The following MEI4 variants were observed in gnomAD, a reference collection of about 807,000 sequenced individuals.
MEI4 encodes meiotic double-stranded break formation protein 4.
In MEI4, 27 loss-of-function variants were observed where a neutral mutation model predicts 31.4. That is an observed-to-expected ratio of 0.86 (90% CI 0.63 to 1.19). The LOEUF (loss-of-function observed/expected upper bound fraction) is 1.19, where lower values mean the gene tolerates loss of function less well. Ranked by LOEUF, MEI4 falls within the 50% of genes most tolerant of loss-of-function variation. The pLI is 0.00. For synonymous variants in MEI4, 122 were observed against 145.4 expected, an observed-to-expected ratio of 0.84 and a Z score of 1.16; for missense variants, 329 against 398.9, an observed-to-expected ratio of 0.82 and a Z score of 1.49.
chr6:77,830,511 A>T (rs750426682), intron 4 of MEI4, among the ~76,000 whole-genome samples: 3 of 152,186 alleles, frequency 2.0e-5, no homozygotes, highest in African/African-American at 7.2e-5. Flanking sequence ...CCATAATTCA[A>T]ACCCAGATGT....
intron 3 of MEI4, among the ~76,000 whole-genome samples, chr6:77,765,195 A>T (rs989841656): frequency 6.6e-6 from 1 of 152,180 alleles, no homozygotes; most frequent in Admixed American, 6.5e-5. Flanking sequence ...AATTTCTGAC[A>T]TCATATAAAA....
chr6:77,768,329 G>A (rs1220149385), intron 3 of MEI4, among the ~76,000 whole-genome samples: 2 of 152,034 alleles, frequency 1.3e-5, no homozygotes, highest in Non-Finnish European at 2.9e-5. Flanking sequence ...AGACCTTAGT[G>A]CCATTTCTCT....
intron 1 of MEI4, among the ~76,000 whole-genome samples, chr6:77,666,411 G>A (rs551222245): frequency 9.9e-5 from 15 of 152,254 alleles, no homozygotes; most frequent in Admixed American, 3.9e-4. Flanking sequence ...CAGGGGATGC[G>A]ATGGCTTGGC....
intron 3 of MEI4, among the ~76,000 whole-genome samples, chr6:77,796,677 A>G (rs1345304589): frequency 6.6e-6 from 1 of 152,198 alleles, no homozygotes; most frequent in African/African-American, 2.4e-5. Context: ...TGAATACTAT[A>G]AGACGTTTGT....
intron 1 of MEI4, among the ~76,000 whole-genome samples, chr6:77,663,406 G>A (rs992362410): frequency 2.0e-5 from 3 of 151,900 alleles, no homozygotes; most frequent in African/African-American, 2.4e-5. Flanking sequence ...GGGTTAAGGT[G>A]GGGGGATACA....
In MEI4 at chr6:77,776,152, A is replaced by G. The variant is rs1332223606; in HGVS notation, c.768+14487A>G. ...CTCTGGGATGTCTGTTTACTCTGCT[A>G]ATTGTTTTTTTTTTGTTTTTGTTTT... On this transcript the variant is annotated intron_variant, in intron 3 of 4. Coordinates refer to ENST00000684080, the MANE Select transcript of MEI4 (RefSeq NM_001322247.2). 2.8e-5 allele frequency among the ~76,000 whole-genome samples: 4 copies of G among 142,938 alleles called. No homozygotes were observed. The East Asian group carries it at 8.1e-4, about 29-fold the overall frequency. 93.8% of individuals were successfully genotyped at this position (142,938 alleles called of 152,430 possible).
chr6:77,871,627 T>A (rs1024499995), intron 4 of MEI4, among the ~76,000 whole-genome samples: 1 of 152,160 alleles, frequency 6.6e-6, no homozygotes. Flanking sequence ...GGATCATTTG[T>A]ACTCCAAACC....
chr6:77,719,040 AT>A (rs1439231533), intron 2 of MEI4, among the ~76,000 whole-genome samples: 2 of 131,924 alleles, frequency 1.5e-5, no homozygotes, highest in East Asian at 4.4e-4. Context: ...AAAGACTGCA[AT>A]TTTTTATGCT....
At chr6:77,905,042 TTAAA>T (rs1456322452) in intron 4 of MEI4, among the ~76,000 whole-genome samples, 1 of 152,166 alleles carries the variant, frequency 6.6e-6, no homozygotes, top group South Asian at 2.1e-4. Flanking sequence ...TTTTCTTACC[TTAAA>T]TAACTCCTTT....
intron 3 of MEI4, among the ~76,000 whole-genome samples, chr6:77,807,210 T>C (rs1034005854): frequency 2.6e-5 from 4 of 151,910 alleles, no homozygotes; most frequent in Non-Finnish European, 5.9e-5. Context: ...TATTAGGAAG[T>C]ACTTCTGTGA....
At chr6:77,765,293 T>G (rs1332798597) in intron 3 of MEI4, among the ~76,000 whole-genome samples, 1 of 149,730 alleles carries the variant, frequency 6.7e-6, no homozygotes, top group Non-Finnish European at 1.5e-5. Context: ...AATGTTGAGT[T>G]TGTTGTAGCA....
rs563130141 is a variant in MEI4, at chr6:77,710,391, G to A, written c.232+19488G>A. 5.9e-5 allele frequency among the ~76,000 whole-genome samples: 9 copies of A among 151,790 alleles called. No individual in the cohort carries two copies. In the East Asian group the frequency reaches 1.8e-3, roughly 30 times the overall value. On this transcript the variant is annotated intron_variant, in intron 2 of 4. Transcript: ENST00000684080. ...ACAAAAATTAGCTGGGTGTGGTGGT[G>A]CGCACCTGTAGTCCCAGCTACTTGG...
intron 2 of MEI4, among the ~76,000 whole-genome samples, chr6:77,697,566 G>A (rs991933724): frequency 1.3e-5 from 2 of 152,154 alleles, no homozygotes; most frequent in African/African-American, 4.8e-5. Flanking sequence ...TTTCCATGTA[G>A]TTGAGTGGTT....
intron 3 of MEI4, among the ~76,000 whole-genome samples, chr6:77,814,126 A>G (rs1256494908): frequency 2.0e-5 from 3 of 152,186 alleles, no homozygotes; most frequent in African/African-American, 2.4e-5. Flanking sequence ...CTGGGGTTCA[A>G]CAAACTAAGT....
intron 4 of MEI4, among the ~76,000 whole-genome samples, chr6:77,855,293 C>T (rs771886274): frequency 9.9e-5 from 15 of 151,794 alleles, no homozygotes; most frequent in Non-Finnish European, 1.8e-4. Context: ...TGCTGTGAGC[C>T]GAGATCGTGC....
Position 77,924,131 on chromosome 6 carries a change from A to C in MEI4, c.*785A>C, listed in dbSNP as rs986480044. ...TTATAGTTATTTGGTGGAATTTTTC[A>C]GTTATACAATTTCATTGACTTCATT... is the stretch of plus-strand genomic sequence containing the variant. On this transcript the variant is annotated 3_prime_UTR_variant, in exon 5 of 5. Transcript: ENST00000684080. 8 of 151,820 alleles carry C rather than the reference A, an allele frequency of 5.3e-5. No individual in the cohort carries two copies. The highest frequency in any genetic ancestry group is 1.4e-4 in the African/African-American group (6 of 41,388). The allele number at this position is 151,820 out of a possible 1,614,324, so 9.4% of individuals were successfully genotyped here. A position where few individuals can be genotyped will look rare whatever the true frequency, so the allele number is the denominator to read the frequency against.
At chr6:77,841,334 T>TATATATATATATATATATATATA (rs1554168570) in intron 4 of MEI4, among the ~76,000 whole-genome samples, 1 of 32,770 alleles carries the variant, frequency 3.1e-5, no homozygotes, top group African/African-American at 2.3e-4. Flanking sequence ...TATATATATA[T>TATATATATATATATATATATATA]TTTTTTTTTT....
chr6:77,736,125 G>C (rs1306996129), intron 2 of MEI4, among the ~76,000 whole-genome samples: 1 of 152,100 alleles, frequency 6.6e-6, no homozygotes, highest in African/African-American at 2.4e-5. Context: ...AGCCTACAGA[G>C]GCAGGCAGGC....
At chr6:77,792,018 T>C (rs1302017095) in intron 3 of MEI4, among the ~76,000 whole-genome samples, 1 of 152,230 alleles carries the variant, frequency 6.6e-6, no homozygotes, top group Non-Finnish European at 1.5e-5. Flanking sequence ...TTTTTAGCTT[T>C]CTAATGTAAG....
Sources: allele counts gnomAD v4.1 joint callset (sites outside exome capture counted in the v4.1 genomes callset), GRCh38; gene constraint gnomAD v4.1.1; transcripts MANE v1.5; gene names NCBI Gene and HGNC (gene_info 2026-07-23, HGNC 2026-07-21).